Variants in NRXN3 observed in about 807,000 individuals in gnomAD.
NRXN3 encodes neurexin 3, also known as neurexin III.
A neutral mutation model predicts 137.6 loss-of-function variants in NRXN3; 32 were observed. The observed-to-expected ratio is 0.23, with a 90% CI of 0.18 to 0.31. The LOEUF (loss-of-function observed/expected upper bound fraction) is 0.31. Ranked by LOEUF, NRXN3 falls within the 10% of genes least tolerant of loss-of-function variation. The pLI is 1.00. For synonymous variants in NRXN3, 798 were observed against 784.5 expected (o/e 1.02, Z -0.29); for missense variants, 1,574 against 2,062.5 (o/e 0.76, Z 4.59).
chr14:79,120,032 A>G (rs1046595482), intron 15 of NRXN3, among the ~76,000 whole-genome samples: 5 of 152,152 alleles, frequency 3.3e-5, no homozygotes, highest in Non-Finnish European at 7.4e-5. Context: ...GAGCATCACT[A>G]TGACTTTTTC....
chr14:78,275,984 A>C lies in NRXN3; in HGVS notation c.710-2661A>C, dbSNP rs375205679. On this transcript the variant is annotated intron_variant, in intron 2 of 20. Coordinates refer to ENST00000335750, the MANE Select transcript of NRXN3 (RefSeq NM_001330195.2). ...AGAATTGAGTCCAGAGATTCAGGTC[A>C]CTCACTGCTTCTTGGGCCAGGGGCC... 2.0e-5 allele frequency among the ~76,000 whole-genome samples: 3 copies of C among 152,226 alleles called. No individual in the cohort carries two copies. The East Asian group carries it at 5.8e-4, about 30-fold the overall frequency.
chr14:78,485,378 C>T (rs1490007558), intron 4 of NRXN3, among the ~76,000 whole-genome samples: 1 of 152,160 alleles, frequency 6.6e-6, no homozygotes, highest in Non-Finnish European at 1.5e-5. Context: ...CCTCCCCTCT[C>T]TACTTTTCTG....
rs959048395 is a variant in NRXN3 at position 79,728,429 on chromosome 14, C to T, written c.4014+30492C>T. The stretch of plus-strand genomic sequence containing the variant: ...CTCTCTCCTCCCAGGAGATAGCTCC[C>T]TTTTCTCCCTGATTGCTTCCTCTCA... On this transcript the variant is annotated intron_variant, in intron 19 of 20. Transcript: ENST00000335750. 5.3e-5 allele frequency among the ~76,000 whole-genome samples: 8 copies of T among 152,296 alleles called. No individual in the cohort carries two copies. In the South Asian group the frequency reaches 8.3e-4, roughly 16 times the overall value.
intron 1 of NRXN3, among the ~76,000 whole-genome samples, chr14:78,239,513 C>G (rs1567048304): frequency 6.6e-6 from 1 of 152,148 alleles, no homozygotes. Flanking sequence ...CATGTCCTAC[C>G]CTCCTGTTAT....
chr14:78,337,061 GA>G (rs1225928130), intron 4 of NRXN3, among the ~76,000 whole-genome samples: 1 of 152,024 alleles, frequency 6.6e-6, no homozygotes, highest in Non-Finnish European at 1.5e-5. Flanking sequence ...GTATTTTCTA[GA>G]ATTCAGTGCC....
rs1348079548 is a variant in NRXN3, at chr14:79,648,156, A to G, written c.3445-15622A>G. 2.2e-5 allele frequency among the ~76,000 whole-genome samples: 3 copies of G among 134,734 alleles called. 1 individual carries two copies. The highest frequency in any genetic ancestry group is 2.3e-4 in the South Asian group (1 of 4,296). 88.4% of individuals were successfully genotyped at this position (134,734 alleles called of 152,430 possible). ...TTGCTACTTATATGGTAGCAAAAGT[A>G]TTTCCCTTCCCTACTTACCCTACTA... is the stretch of plus-strand genomic sequence containing the variant. On this transcript the variant is annotated intron_variant, in intron 16 of 20. Transcript: ENST00000335750.
intron 4 of NRXN3, among the ~76,000 whole-genome samples, chr14:78,364,581 G>A (rs1182679388): frequency 6.6e-6 from 1 of 152,108 alleles, no homozygotes; most frequent in Non-Finnish European, 1.5e-5. Flanking sequence ...GTGTCAGATG[G>A]ATACATGTGT....
At chr14:78,411,382 G>A (rs556453232) in intron 4 of NRXN3, among the ~76,000 whole-genome samples, 20 of 152,308 alleles carry the variant, frequency 1.3e-4, no homozygotes, top group African/African-American at 4.8e-4. Flanking sequence ...CCCTGCTGCA[G>A]CACAGGCCCT....
At chr14:78,464,156 G>A (rs535048082) in intron 4 of NRXN3, among the ~76,000 whole-genome samples, 45 of 151,536 alleles carry the variant, frequency 3.0e-4, no homozygotes, top group African/African-American at 1.0e-3. Context: ...GGGTTCAAGC[G>A]ATTCTCCAGC....
In NRXN3 at chr14:79,861,478, C is replaced by T. The variant is rs1312530014; in HGVS notation, c.4230C>T (p.Ile1410=). The T allele has an allele frequency of 1.6e-5, 24 of 1,537,452 alleles. No homozygotes were observed. The highest frequency in any genetic ancestry group is 2.1e-5 in the Non-Finnish European group (24 of 1,147,096). Residue 1410 remains isoleucine (I), a synonymous_variant, in exon 21 of 21, where the codon ATC becomes ATT. Coordinates refer to ENST00000335750, the MANE Select transcript of NRXN3 (RefSeq NM_001330195.2). This position sits in a 1 kb window ranked among gnomAD's most constrained non-coding sequence, Gnocchi z 5.4. Reference sequence around the variant, plus strand: ...CCACATCTTTATCCCCTGAGCTGATCCGCTTCACAGCTTCCTCCTCGTCTG... The same window carrying T: ...CCACATCTTTATCCCCTGAGCTGATTCGCTTCACAGCTTCCTCCTCGTCTG... ...TTTTSLSPEL[I]RFTASSSSGM...
At chr14:79,383,326 T>C (rs989651017) in intron 15 of NRXN3, among the ~76,000 whole-genome samples, 3 of 152,154 alleles carry the variant, frequency 2.0e-5, no homozygotes, top group African/African-American at 7.2e-5. Flanking sequence ...TGTCCTCTTT[T>C]TGATGGAATG....
rs576547991 is a variant in NRXN3 at position 79,530,248 on chromosome 14, A to C, written c.3444+62846A>C. Among the ~76,000 whole-genome samples the C allele has an allele frequency of 3.3e-5, 5 of 152,274 alleles. No homozygotes were observed. In the South Asian group the frequency reaches 1.0e-3, roughly 32 times the overall value. ...ATAATTATTAGGCCAGTGTAGGACAAGCAGCAGCGTGCACATAGTCACATT... is the reference window on the plus strand; with the variant it reads ...ATAATTATTAGGCCAGTGTAGGACACGCAGCAGCGTGCACATAGTCACATT... On this transcript the variant is annotated intron_variant, in intron 16 of 20. Transcript: ENST00000335750.
chr14:79,785,872 A>G (rs1178728210), intron 19 of NRXN3, among the ~76,000 whole-genome samples: 1 of 152,016 alleles, frequency 6.6e-6, no homozygotes, highest in Admixed American at 6.6e-5. Context: ...TCTCCTTAAC[A>G]TCATCTGCTG....
chr14:78,387,331 C>A (rs1304385097), intron 4 of NRXN3, among the ~76,000 whole-genome samples: 1 of 151,938 alleles, frequency 6.6e-6, no homozygotes, highest in Non-Finnish European at 1.5e-5. Flanking sequence ...TGCTGGGAAC[C>A]AGGTTATAGG....
chr14:78,805,915 TTCTC>T (rs1171304457), intron 9 of NRXN3, among the ~76,000 whole-genome samples: 6 of 152,090 alleles, frequency 3.9e-5, no homozygotes, highest in South Asian at 4.1e-4. Flanking sequence ...CAGATTCTCA[TTCTC>T]TCTCTCACAC....
chr14:79,817,265 C>T (rs2099254532), intron 20 of NRXN3, among the ~76,000 whole-genome samples: 1 of 152,100 alleles, frequency 6.6e-6, no homozygotes, highest in African/African-American at 2.4e-5. Flanking sequence ...GTTGGCCAGG[C>T]TGGTCTTGAA....
At chr14:79,232,358 C>T (rs1165200461) in intron 15 of NRXN3, among the ~76,000 whole-genome samples, 1 of 152,056 alleles carries the variant, frequency 6.6e-6, no homozygotes, top group Non-Finnish European at 1.5e-5. Context: ...GTTTTTAAGG[C>T]ACAAAATGTA....
chr14:78,185,471 G>A (rs533202828), intron 1 of NRXN3, among the ~76,000 whole-genome samples: 44 of 152,300 alleles, frequency 2.9e-4, no homozygotes, highest in African/African-American at 1.1e-3. Context: ...GTAAGAAATG[G>A]GGCTGAAAGG....
intron 1 of NRXN3, among the ~76,000 whole-genome samples, chr14:78,173,505 G>C (rs906141987): frequency 6.6e-6 from 1 of 151,220 alleles, no homozygotes; most frequent in African/African-American, 2.4e-5. Context: ...GTGTGCTTGT[G>C]TCTCTGTGTG....
Sources: gnomAD v4.1 joint callset for allele counts (sites outside exome capture counted in the v4.1 genomes callset) on GRCh38, gnomAD v4.1.1 for gene constraint, Gnocchi (gnomAD v3.1) non-coding constraint, MANE v1.5 for transcripts, NCBI Gene and HGNC (gene_info 2026-07-23, HGNC 2026-07-21) for gene names.